CDH15: variants seen among roughly 807,000 people sequenced by gnomAD.
The protein encoded by CDH15 is cadherin 15, also known as cadherin-15.
CDH15 carries 73 observed loss-of-function variants against 69.4 expected under a neutral mutation model. That is an observed-to-expected ratio of 1.05 (90% CI 0.87 to 1.28). The LOEUF (loss-of-function observed/expected upper bound fraction) is 1.28. Ranked by LOEUF, CDH15 falls within the 50% of genes most tolerant of loss-of-function variation. CDH15 has a pLI of 0.00. For synonymous variants in CDH15, 624 were observed against 507.7 expected (o/e 1.23, Z -3.08); for missense variants, 1,343 against 1,133.6 (o/e 1.18, Z -2.65).
chr16:89,178,486 G>A (rs1422500038), intron 1 of CDH15, among the ~76,000 whole-genome samples: 1 of 152,154 alleles, frequency 6.6e-6, no homozygotes, highest in Non-Finnish European at 1.5e-5. Flanking sequence ...AGAAGAGTGA[G>A]GCTGGGGGTG....
At chr16:89,188,532 GCACACACAGATGCC>G (rs1244028661) in intron 7 of CDH15, among the ~76,000 whole-genome samples, 15 of 115,962 alleles carry the variant, frequency 1.3e-4, no homozygotes, top group Non-Finnish European at 2.5e-4. Flanking sequence ...ACAGATGCCG[GCACACACAGATGCC>G]CACACACAGA....
intron 1 of CDH15, among the ~76,000 whole-genome samples, chr16:89,176,218 C>T (rs191740316): frequency 6.6e-6 from 1 of 152,364 alleles, no homozygotes; most frequent in East Asian, 1.9e-4. Context: ...AGGCCACATG[C>T]CCCCACGTCC....
At chr16:89,190,159 C>T in intron 7 of CDH15, 84 bp from the exon 8 acceptor site, 1 of 1,536,972 alleles carries the variant, frequency 6.5e-7, no homozygotes, top group Non-Finnish European at 8.9e-7. Flanking sequence ...TGGACAGACC[C>T]AAGGAGTGGC....
At position 89,191,885 on chromosome 16, in the gene CDH15, C is replaced by A. The variant is rs762247969; in HGVS notation, c.1606C>A (p.Gln536Lys). Residue 536 changes from glutamine to lysine, a missense_variant, in exon 10 of 14, where the codon CAG becomes AAG. Transcript: ENST00000289746. Reference protein sequence around the residue: ...PELGRNWSLSQVNVSHARLRP... With the variant: ...PELGRNWSLSKVNVSHARLRP... ...GCTCGGCCGGAACTGGAGCCTCAGCCAGGTCAACGGTGCGCTCCCCTCACC... is the reference window on the plus strand; with the variant it reads ...GCTCGGCCGGAACTGGAGCCTCAGCAAGGTCAACGGTGCGCTCCCCTCACC... The A allele has an allele frequency of 3.0e-5, 48 of 1,578,578 alleles. No individual in the cohort carries two copies. In the African/African-American group the frequency reaches 6.2e-4, roughly 20 times the overall value.
chr16:89,187,898 G>T (rs1012550434), intron 6 of CDH15, among the ~76,000 whole-genome samples: 1 of 152,168 alleles, frequency 6.6e-6, no homozygotes, highest in South Asian at 2.1e-4. Flanking sequence ...ATGGGGGCAC[G>T]TGGGGGACAG....
intron 13 of CDH15, 45 bp downstream of exon 13, chr16:89,193,958 G>T (rs1245673524): frequency 1.3e-6 from 2 of 1,598,574 alleles, no homozygotes; most frequent in Non-Finnish European, 8.5e-7. Context: ...GCACGCACAG[G>T]TGCACACACA....
intron 3 of CDH15, chr16:89,182,843 C>G (rs997715446): frequency 6.6e-6 from 1 of 152,004 alleles, no homozygotes; most frequent in African/African-American, 2.4e-5. Context: ...GCCCATTCTC[C>G]GAAAGGATGG....
Position 89,179,402 on chromosome 16 carries a change from T to C in CDH15, c.43-14T>C, listed in dbSNP as rs1915324560. 2 of 1,613,492 alleles carry C rather than the reference T, an allele frequency of 1.2e-6. No homozygotes were observed. On this transcript the variant is annotated splice_polypyrimidine_tract_variant and intron_variant, in intron 1 of 13. Coordinates refer to ENST00000289746, the MANE Select transcript of CDH15 (RefSeq NM_004933.3). ...AGGAGACGGTACTGTGGGACGCATC[T>C]GTCTTTGTTGCAGAGCCTCTGCCTG...
chr16:89,179,163 C>T (rs1374752358), intron 1 of CDH15, among the ~76,000 whole-genome samples: 1 of 152,218 alleles, frequency 6.6e-6, no homozygotes, highest in African/African-American at 2.4e-5. Context: ...TGGATGGGGG[C>T]TTTGAGGGCC....
rs146336118 is a variant in CDH15, at chr16:89,180,208, G to A, written c.210G>A (p.Ser70=). ...RLPYPLVQIK[S]DKQQLGSVIY... Reference sequence around the variant, plus strand: ...CATTTCCTGCCCCACAGATCAAGTCGGACAAGCAGCAGCTGGGCAGCGTCA... The same window carrying A: ...CATTTCCTGCCCCACAGATCAAGTCAGACAAGCAGCAGCTGGGCAGCGTCA... Residue 70 remains serine, a synonymous_variant, in exon 3 of 14, where the codon TCG becomes TCA. Coordinates refer to ENST00000289746, the MANE Select transcript of CDH15 (RefSeq NM_004933.3). 1.9e-5 allele frequency: 30 copies of A among 1,610,668 alleles called. No homozygotes were observed. The highest frequency in any genetic ancestry group is 9.4e-5 in the African/African-American group (7 of 74,834).
intron 1 of CDH15, among the ~76,000 whole-genome samples, chr16:89,174,637 C>T (rs1419574070): frequency 2.0e-5 from 3 of 151,962 alleles, no homozygotes; most frequent in East Asian, 1.9e-4. Flanking sequence ...GGCTGCAGGG[C>T]GGTGGCCCCA....
At chr16:89,173,397 G>T (rs986909081) in intron 1 of CDH15, among the ~76,000 whole-genome samples, 1 of 152,180 alleles carries the variant, frequency 6.6e-6, no homozygotes, top group Non-Finnish European at 1.5e-5. Flanking sequence ...TGGCAGGTGG[G>T]GAGGCAGGCA....
At chr16:89,179,796 C>T (rs1006649036) in intron 2 of CDH15, among the ~76,000 whole-genome samples, 6 of 152,246 alleles carry the variant, frequency 3.9e-5, no homozygotes, top group African/African-American at 1.4e-4. Flanking sequence ...TCCAGAGCTG[C>T]TCCCACCCCA....
intron 4 of CDH15, 73 bp from the exon 5 acceptor site, chr16:89,185,100 C>T (rs1915452721): frequency 2.1e-6 from 3 of 1,417,570 alleles, no homozygotes; most frequent in Non-Finnish European, 2.9e-6. Context: ...CGAGGTGCCC[C>T]CACGCCCCTC....
At chr16:89,194,522 C>T (rs532761745) in intron 13 of CDH15, among the ~76,000 whole-genome samples, 7 of 152,278 alleles carry the variant, frequency 4.6e-5, no homozygotes, top group Admixed American at 1.3e-4. Context: ...GTCCAGGAGG[C>T]TCGGGTTCTG....
chr16:89,183,534 C>T lies in CDH15; in HGVS notation c.358-14C>T. 1.9e-6 allele frequency: 3 copies of T among 1,614,046 alleles called. No homozygotes were observed. The highest frequency in any genetic ancestry group is 2.5e-6 in the Non-Finnish European group (3 of 1,180,022). ...GGGGGCCACAGAGCCAGCCCTTGCT[C>T]TATGTTTGAACAGCTAAGAGCGTTT... On this transcript the variant is annotated splice_polypyrimidine_tract_variant and intron_variant, in intron 3 of 13. Transcript: ENST00000289746.
chr16:89,185,407 A>T, intron 5 of CDH15, 74 bp downstream of exon 5: 1 of 1,488,068 alleles, frequency 6.7e-7, no homozygotes, highest in South Asian at 1.2e-5. Flanking sequence ...CTCTGCCCCC[A>T]GCCTGCCCAC....
chr16:89,188,726 CGGCACACACAGATGCCGG>C (rs2151602613), intron 7 of CDH15, among the ~76,000 whole-genome samples: 1 of 125,714 alleles, frequency 8.0e-6, no homozygotes, highest in Admixed American at 8.2e-5. Context: ...ACACAGATGC[CGGCACACACAGATGCCGG>C]CACACACAGA....
At chr16:89,177,591 G>A (rs964568221) in intron 1 of CDH15, among the ~76,000 whole-genome samples, 3 of 152,000 alleles carry the variant, frequency 2.0e-5, no homozygotes, top group Non-Finnish European at 2.9e-5. Flanking sequence ...GAGGGCACAG[G>A]GGATGGGAGA....
Sources: gnomAD v4.1 joint callset for allele counts (sites outside exome capture counted in the v4.1 genomes callset) on GRCh38, gnomAD v4.1.1 for gene constraint, MANE v1.5 for transcripts, NCBI Gene and HGNC (gene_info 2026-07-23, HGNC 2026-07-21) for gene names.